The following FOXP2 variants were observed in gnomAD, a reference collection of about 807,000 sequenced individuals.
The protein encoded by FOXP2 is forkhead box protein P2.
A neutral mutation model predicts 115.8 loss-of-function variants in FOXP2; 12 were observed. That is an observed-to-expected ratio of 0.10 (90% CI 0.07 to 0.17). The LOEUF (loss-of-function observed/expected upper bound fraction) is 0.17. Ranked by LOEUF, FOXP2 falls within the 10% of genes least tolerant of loss-of-function variation. FOXP2 has a pLI of 1.00. For synonymous variants in FOXP2, 328 were observed against 297.7 expected (o/e 1.10, Z -1.05); for missense variants, 629 against 843.5 (o/e 0.75, Z 3.15).
At chr7:114,134,274 G>A (rs1791964414) in intron 1 of FOXP2, among the ~76,000 whole-genome samples, 1 of 152,108 alleles carries the variant, frequency 6.6e-6, no homozygotes, top group Non-Finnish European at 1.5e-5. Flanking sequence ...AGAAAGGAAG[G>A]AGGATATTTA....
chr7:114,642,579 C>T lies in FOXP2; in HGVS notation c.945C>T (p.Ser315=). 6.2e-7 allele frequency: 1 copy of T among 1,613,628 alleles called. No homozygotes were observed. Among genetic ancestry groups the T allele is most frequent in the Non-Finnish European group, 8.5e-7 (1 of 1,179,920 alleles). ...SKASPPITHH[S]IVNGQSSVLS... ...CATCACCACCAATAACTCATCATTC[C>T]ATAGTGAATGGACAGTCTTCAGTTC... Residue 315 remains serine (S), a synonymous_variant, in exon 7 of 17, where the codon TCC becomes TCT. Transcript: ENST00000350908.
At chr7:114,547,870 T>G (rs1800009680) in intron 3 of FOXP2, among the ~76,000 whole-genome samples, 1 of 152,216 alleles carries the variant, frequency 6.6e-6, no homozygotes. Context: ...ATGATTTAAT[T>G]ATATCTATTG....
chr7:114,235,380 C>A (rs1014612403), intron 1 of FOXP2, among the ~76,000 whole-genome samples: 5 of 150,730 alleles, frequency 3.3e-5, no homozygotes, highest in Non-Finnish European at 7.4e-5. Flanking sequence ...TTTTTTCTTG[C>A]AGCACCTATG....
intron 3 of FOXP2, among the ~76,000 whole-genome samples, chr7:114,566,520 ATTTCTACACACGTGT>A (rs1801030868): frequency 6.6e-6 from 1 of 152,054 alleles, no homozygotes; most frequent in South Asian, 2.1e-4. Flanking sequence ...TCACCACGTG[ATTTCTACACACGTGT>A]TTCCCCTTCC....
chr7:114,670,877 T>C (rs1807452308), intron 16 of FOXP2, among the ~76,000 whole-genome samples: 1 of 152,146 alleles, frequency 6.6e-6, no homozygotes, highest in Non-Finnish European at 1.5e-5. Flanking sequence ...AATGGAATGC[T>C]CTTTCTCATT....
At chr7:114,137,740 A>G (rs894493542) in intron 1 of FOXP2, among the ~76,000 whole-genome samples, 1 of 152,220 alleles carries the variant, frequency 6.6e-6, no homozygotes, top group African/African-American at 2.4e-5. Context: ...AAGAGTCTAG[A>G]AAAGCCCATG....
chr7:114,642,812 ATTT>A (rs869136743), intron 7 of FOXP2, among the ~76,000 whole-genome samples, 189 bp downstream of exon 7: 50 of 72,408 alleles, frequency 6.9e-4, no homozygotes, highest in African/African-American at 3.4e-3. Context: ...ATATATATAT[ATTT>A]TTTTTTTTTT....
intron 1 of FOXP2, among the ~76,000 whole-genome samples, chr7:114,190,837 A>G (rs1406899045): frequency 6.6e-6 from 1 of 152,210 alleles, no homozygotes; most frequent in Admixed American, 6.6e-5. Flanking sequence ...AAATATAAAA[A>G]GAAAAATTGC....
chr7:114,147,654 T>C (rs574293077), intron 1 of FOXP2, among the ~76,000 whole-genome samples: 4 of 152,184 alleles, frequency 2.6e-5, no homozygotes, highest in Non-Finnish European at 5.9e-5. Context: ...GATCATTTGA[T>C]ACTAGTCTAT....
chr7:114,667,013 A>G (rs956719898), intron 16 of FOXP2: 3 of 152,084 alleles, frequency 2.0e-5, no homozygotes, highest in African/African-American at 7.2e-5. Context: ...ATATGAAAAT[A>G]TTTTTGTATT....
At position 114,180,145 on chromosome 7, in the gene FOXP2, G is replaced by A. The variant is rs149642713; in HGVS notation, c.-102+17057G>A. 2.4e-3 allele frequency among the ~76,000 whole-genome samples: 368 copies of A among 152,056 alleles called. 1 individual carries two copies. Among genetic ancestry groups the A allele is most frequent in the African/African-American group, 8.4e-3 (349 of 41,538 alleles). On this transcript the variant is annotated intron_variant, in intron 1 of 17. Coordinates refer to the FOXP2 transcript ENST00000634411. ...TGGGAAGGAGTGGATATAATTGCAT[G>A]TGTTTAGACTGCTATGCTTAACCAG...
At chr7:114,628,758 G>A in intron 4 of FOXP2, 81 bp downstream of exon 4, 1 of 1,556,684 alleles carries the variant, frequency 6.4e-7, no homozygotes, top group Non-Finnish European at 8.8e-7. Flanking sequence ...GGGCATATTT[G>A]ACAATTCAGT....
At chr7:114,144,055 T>G (rs900938330) in intron 1 of FOXP2, among the ~76,000 whole-genome samples, 3 of 152,126 alleles carry the variant, frequency 2.0e-5, no homozygotes, top group African/African-American at 7.2e-5. Flanking sequence ...TTCAACACTT[T>G]ATTATAAAAC....
intron 2 of FOXP2, among the ~76,000 whole-genome samples, chr7:114,485,831 T>C (rs902195553): frequency 9.9e-5 from 15 of 152,262 alleles, no homozygotes; most frequent in African/African-American, 3.6e-4. Context: ...TAATGATGTG[T>C]ATAACTGATA....
At chr7:114,515,394 T>C (rs1355582132) in intron 2 of FOXP2, among the ~76,000 whole-genome samples, 1 of 150,574 alleles carries the variant, frequency 6.6e-6, no homozygotes, top group Non-Finnish European at 1.5e-5. Flanking sequence ...TTCCTGACTT[T>C]TTAATGATTG....
intron 13 of FOXP2, chr7:114,661,742 G>A: frequency 2.8e-6 from 1 of 357,704 alleles, no homozygotes; most frequent in South Asian, 2.2e-5. Context: ...GGACACAACA[G>A]AGCTGACCTA....
intron 2 of FOXP2, among the ~76,000 whole-genome samples, chr7:114,292,122 A>C (rs970359874): frequency 5.4e-4 from 82 of 151,252 alleles, no homozygotes; most frequent in African/African-American, 1.9e-3. Context: ...GTGACAATAC[A>C]CAACCTTTGC....
intron 9 of FOXP2, among the ~76,000 whole-genome samples, chr7:114,653,625 T>A (rs1378118334): frequency 6.6e-6 from 1 of 152,140 alleles, no homozygotes; most frequent in Admixed American, 6.6e-5. Context: ...CCATGGGCCT[T>A]CTAATTTATG....
chr7:114,660,065 C>T (rs968388617), intron 13 of FOXP2, among the ~76,000 whole-genome samples: 1 of 152,150 alleles, frequency 6.6e-6, no homozygotes, highest in Non-Finnish European at 1.5e-5. Context: ...TCTTGGTCTG[C>T]GCCTTTTGTA....
Sources: gnomAD v4.1 joint callset for allele counts (sites outside exome capture counted in the v4.1 genomes callset) on GRCh38, gnomAD v4.1.1 for gene constraint, MANE v1.5 for transcripts, NCBI Gene and HGNC (gene_info 2026-07-23, HGNC 2026-07-21) for gene names.